Variants in GALNTL6 observed in about 807,000 individuals in gnomAD.
The protein encoded by GALNTL6 is polypeptide N-acetylgalactosaminyltransferase like 6.
GALNTL6 carries 46 observed loss-of-function variants against 73.7 expected under a neutral mutation model. The ratio of observed to expected loss-of-function variants is 0.62; its 90% confidence interval spans 0.49 to 0.80. The LOEUF (loss-of-function observed/expected upper bound fraction) is 0.80, where lower values mean the gene tolerates loss of function less well. Ranked by LOEUF, GALNTL6 falls within the 30% of genes least tolerant of loss-of-function variation. The pLI, the probability that GALNTL6 is intolerant of heterozygous loss-of-function variation, is 0.00. For synonymous variants in GALNTL6, 259 were observed against 263.7 expected, an observed-to-expected ratio of 0.98 and a Z score of 0.17; for missense variants, 604 against 755.0, an observed-to-expected ratio of 0.80 and a Z score of 2.34.
chr4:172,641,073 A>G (rs1366135513), intron 5 of GALNTL6, among the ~76,000 whole-genome samples: 1 of 152,032 alleles, frequency 6.6e-6, no homozygotes, highest in Non-Finnish European at 1.5e-5. Flanking sequence ...ACAATCCACT[A>G]GAAAGTCATG....
intron 5 of GALNTL6, among the ~76,000 whole-genome samples, chr4:172,651,327 C>T (rs1740467263): frequency 6.6e-6 from 1 of 152,174 alleles, no homozygotes; most frequent in South Asian, 2.1e-4. Flanking sequence ...TCAGGTCACA[C>T]TGGTGATTAG....
At position 172,937,288 on chromosome 4, in the gene GALNTL6, TA is replaced by T. The variant is rs373246669; in HGVS notation, c.1149+6031del. On this transcript the variant is annotated intron_variant, in intron 9 of 12. Coordinates refer to ENST00000506823, the MANE Select transcript of GALNTL6 (RefSeq NM_001034845.3). ...ACATTTCGAATGCAAGGAGCATTTGTAAAAAAAAAAATCATAAAATATTTTT... is the reference window on the plus strand; with the variant it reads ...ACATTTCGAATGCAAGGAGCATTTGTAAAAAAAAAATCATAAAATATTTTT... Among the ~76,000 whole-genome samples, 866 of 148,356 alleles carry T rather than the reference TA, an allele frequency of 5.8e-3. 12 individuals carry two copies. The highest frequency in any genetic ancestry group is 0.02 in the African/African-American group (803 of 40,700).
intron 12 of GALNTL6, among the ~76,000 whole-genome samples, chr4:173,025,935 T>C (rs1753213691): frequency 6.6e-6 from 1 of 152,226 alleles, no homozygotes; most frequent in African/African-American, 2.4e-5. Flanking sequence ...TCCATCTGTG[T>C]TGGTGACAAT....
intron 8 of GALNTL6, among the ~76,000 whole-genome samples, chr4:172,908,011 G>A (rs1048714551): frequency 2.6e-4 from 39 of 152,262 alleles, no homozygotes; most frequent in African/African-American, 8.9e-4. Flanking sequence ...CACAAGTACT[G>A]CAGCAATGTC....
chr4:171,998,293 G>T (rs1285560733), intron 2 of GALNTL6, among the ~76,000 whole-genome samples: 2 of 152,082 alleles, frequency 1.3e-5, no homozygotes, highest in Non-Finnish European at 2.9e-5. Context: ...TTAAGAAATT[G>T]GTTCATGTGA....
chr4:172,283,385 A>G (rs920266005), intron 3 of GALNTL6, among the ~76,000 whole-genome samples: 13 of 152,188 alleles, frequency 8.5e-5, no homozygotes, highest in African/African-American at 2.4e-4. Flanking sequence ...AAAATGTACT[A>G]ATTTCTTAGA....
chr4:172,908,784 A>G (rs1232449591), intron 8 of GALNTL6, among the ~76,000 whole-genome samples: 1 of 151,884 alleles, frequency 6.6e-6, no homozygotes. Context: ...AAAAAATGTT[A>G]TAATCTACTA....
At chr4:172,691,391 T>C (rs1733280700) in intron 5 of GALNTL6, among the ~76,000 whole-genome samples, 1 of 152,176 alleles carries the variant, frequency 6.6e-6, no homozygotes, top group African/African-American at 2.4e-5. Flanking sequence ...TTTGTCAGCA[T>C]GGCCCTGATT....
chr4:171,955,316 A>AAT (rs977146573), intron 2 of GALNTL6, among the ~76,000 whole-genome samples: 15 of 152,094 alleles, frequency 9.9e-5, no homozygotes, highest in Admixed American at 3.9e-4. Context: ...TTATTCATAT[A>AAT]ATATATATAC....
intron 5 of GALNTL6, among the ~76,000 whole-genome samples, chr4:172,373,986 G>A (rs1742927806): frequency 6.6e-6 from 1 of 152,168 alleles, no homozygotes; most frequent in Admixed American, 6.5e-5. Flanking sequence ...ACATGAGCTG[G>A]CGCTTGCCCT....
At chr4:172,513,352 A>G (rs999459531) in intron 5 of GALNTL6, among the ~76,000 whole-genome samples, 1 of 151,720 alleles carries the variant, frequency 6.6e-6, no homozygotes, top group Non-Finnish European at 1.5e-5. Flanking sequence ...CTTTATGTTG[A>G]TATTTACCTT....
intron 2 of GALNTL6, among the ~76,000 whole-genome samples, chr4:171,904,639 G>C (rs1230827753): frequency 3.9e-5 from 6 of 152,094 alleles, no homozygotes; most frequent in Non-Finnish European, 1.5e-5. Flanking sequence ...AGGAAATACA[G>C]AGAATGCCAC....
chr4:171,831,952 T>C (rs1247923208), intron 2 of GALNTL6, among the ~76,000 whole-genome samples: 1 of 151,468 alleles, frequency 6.6e-6, no homozygotes, highest in Non-Finnish European at 1.5e-5. Context: ...TTTAATACTT[T>C]ATATGATTGT....
intron 3 of GALNTL6, among the ~76,000 whole-genome samples, chr4:172,235,740 T>G (rs1737220927): frequency 6.6e-6 from 1 of 152,098 alleles, no homozygotes; most frequent in African/African-American, 2.4e-5. Context: ...AACCTGTTAC[T>G]CCAGTTCTCA....
intron 5 of GALNTL6, among the ~76,000 whole-genome samples, chr4:172,570,571 G>T (rs1736723333): frequency 6.6e-6 from 1 of 152,040 alleles, no homozygotes; most frequent in Non-Finnish European, 1.5e-5. Flanking sequence ...CTAGCTTCCA[G>T]AATTGTGAGA....
At chr4:172,515,889 T>C (rs1455505526) in intron 5 of GALNTL6, among the ~76,000 whole-genome samples, 2 of 152,218 alleles carry the variant, frequency 1.3e-5, no homozygotes, top group Non-Finnish European at 2.9e-5. Flanking sequence ...TCATCAGAAC[T>C]GTGCCTTTGC....
chr4:172,867,537 T>C (rs1744721860), intron 7 of GALNTL6, among the ~76,000 whole-genome samples: 2 of 152,216 alleles, frequency 1.3e-5, no homozygotes, highest in South Asian at 4.1e-4. Context: ...GAAATCTTCC[T>C]GGTGTTGCTG....
chr4:172,027,497 C>A (rs1280680884), intron 2 of GALNTL6, among the ~76,000 whole-genome samples: 2 of 152,096 alleles, frequency 1.3e-5, no homozygotes, highest in Non-Finnish European at 2.9e-5. Context: ...TGTGTTCTGA[C>A]TGATCCACTC....
rs1245978621 is a variant in GALNTL6, at chr4:171,832,627, TATC to T, written c.138+17912_138+17914del. Among the ~76,000 whole-genome samples the T allele has an allele frequency of 6.6e-5, 10 of 150,464 alleles. No individual in the cohort carries two copies. The East Asian group carries it at 1.2e-3, about 17-fold the overall frequency. ...ATAAGAATATAAAATAAAATAAACT[TATC>T]ATTTCTCATTTTATCAAACATCATA... On this transcript the variant is annotated intron_variant, in intron 2 of 12. Coordinates refer to ENST00000506823, the MANE Select transcript of GALNTL6 (RefSeq NM_001034845.3).
Sources: allele counts gnomAD v4.1 joint callset (sites outside exome capture counted in the v4.1 genomes callset), GRCh38; gene constraint gnomAD v4.1.1; transcripts MANE v1.5; gene names NCBI Gene and HGNC (gene_info 2026-07-23, HGNC 2026-07-21).